The following BTN3A3 variants were observed in gnomAD, a reference collection of about 807,000 sequenced individuals.
BTN3A3 encodes the protein butyrophilin 3.
BTN3A3 carries 39 observed loss-of-function variants against 43.2 expected under a neutral mutation model. That is an observed-to-expected ratio of 0.90 (90% CI 0.70 to 1.18). BTN3A3 has a LOEUF of 1.18. BTN3A3 is among the 50% of genes most tolerant of loss of function. The pLI is 0.00. For synonymous variants in BTN3A3, 255 were observed against 272.7 expected (o/e 0.93, Z 0.64); for missense variants, 631 against 722.8 (o/e 0.87, Z 1.46).
intron 5 of BTN3A3, among the ~76,000 whole-genome samples, chr6:26,446,952 CTCCAGACCCCAATTGA>C (rs1175838188): frequency 2.6e-5 from 4 of 152,208 alleles, no homozygotes; most frequent in Non-Finnish European, 5.9e-5. Context: ...TGGTTTCAAA[CTCCAGACCCCAATTGA>C]TCCGCCTGTC....
At chr6:26,446,835 C>T (rs960813231) in intron 5 of BTN3A3, among the ~76,000 whole-genome samples, 1 of 152,044 alleles carries the variant, frequency 6.6e-6, no homozygotes, top group African/African-American at 2.4e-5. Flanking sequence ...TTCGAGAGAG[C>T]CTCCTGTCTC....
At chr6:26,450,076 CT>C in intron 9 of BTN3A3, 30 bp from the exon 10 acceptor site, 1 of 1,610,870 alleles carries the variant, frequency 6.2e-7, no homozygotes, top group Non-Finnish European at 8.5e-7. Flanking sequence ...AAATACTGAC[CT>C]TTTTCTTATC....
Position 26,452,566 on chromosome 6 carries a change from T to C in BTN3A3, c.*155T>C. The C allele has an allele frequency of 6.2e-6, 4 of 642,932 alleles. No homozygotes were observed. The South Asian group carries it at 8.3e-5, about 13-fold the overall frequency. 39.8% of individuals were successfully genotyped at this position (642,932 alleles called of 1,614,324 possible). A position where few individuals can be genotyped will look rare whatever the true frequency, so the allele number is the denominator to read the frequency against. On this transcript the variant is annotated 3_prime_UTR_variant, in exon 11 of 11. Transcript: ENST00000244519. ...AGCAGAGCTGGGATCTAAACAGCAA[T>C]AACTAACATTAACAGAGAATTTAAA...
chr6:26,447,628 G>T (rs1762814203), intron 5 of BTN3A3, among the ~76,000 whole-genome samples: 1 of 152,196 alleles, frequency 6.6e-6, no homozygotes, highest in Non-Finnish European at 1.5e-5. Flanking sequence ...CTCACAAAGT[G>T]CTGGGATTAC....
Position 26,452,221 on chromosome 6 carries a change from C to A in BTN3A3, c.1565C>A (p.Pro522His). ...CPIPKEVESSPDPDLVPDHSL... is the reference protein window; with the variant it reads ...CPIPKEVESSHDPDLVPDHSL... ...ATACCAAAAGAAGTAGAGAGTTCCC[C>A]CGATCCTGACCTAGTGCCTGATCAT... The change falls in exon 11 of 11, where the codon CCC (proline) becomes CAC (histidine). Residue 522 changes from proline (P) to histidine (H), a missense_variant. Pro to His is a moderately conservative substitution (Grantham distance 77). Coordinates refer to ENST00000244519, the MANE Select transcript of BTN3A3 (RefSeq NM_006994.5). 1 of 1,614,148 alleles carries A rather than the reference C, an allele frequency of 6.2e-7. No homozygotes were observed. Among genetic ancestry groups the A allele is most frequent in the Non-Finnish European group, 8.5e-7 (1 of 1,180,022 alleles).
At chr6:26,444,542 T>A in intron 4 of BTN3A3, 1 of 660,014 alleles carries the variant, frequency 1.5e-6, no homozygotes, top group African/African-American at 1.8e-5. Flanking sequence ...ACCAGAGATA[T>A]AAGGGAAATG....
At chr6:26,443,314 A>C in intron 1 of BTN3A3, 68 bp from the exon 2 acceptor site, 1 of 619,510 alleles carries the variant, frequency 1.6e-6, no homozygotes, top group Non-Finnish European at 2.4e-6. Context: ...AGGATTATGA[A>C]TATTTTAATA....
chr6:26,446,120 G>T, intron 5 of BTN3A3, 135 bp downstream of exon 5: 1 of 1,416,472 alleles, frequency 7.1e-7, no homozygotes, highest in Non-Finnish European at 9.5e-7. Context: ...TCAAAGCAGG[G>T]ACCTGAAGGC....
rs762508434 is a variant in BTN3A3, at chr6:26,448,777, C to T, written c.964+23C>T. ...CTCGTGAGTGACTCTGACATTTTCT[C>T]TGAATTTGAATCTTGAATCTATGAC... On this transcript the variant is annotated intron_variant, in intron 8 of 10. Transcript: ENST00000244519. 2.5e-6 allele frequency: 4 copies of T among 1,613,492 alleles called. No homozygotes were observed. In the East Asian group the frequency reaches 8.9e-5, roughly 36 times the overall value.
rs1762896533 is a variant in BTN3A3 at position 26,450,349 on chromosome 6, C to T, written c.1018+216C>T. The T allele has an allele frequency of 5.3e-6, 3 of 564,076 alleles. No homozygotes were observed. The East Asian group carries it at 9.4e-5, about 18-fold the overall frequency. 34.9% of individuals were successfully genotyped at this position (564,076 alleles called of 1,614,324 possible). On this transcript the variant is annotated intron_variant, in intron 10 of 10. Coordinates refer to ENST00000244519, the MANE Select transcript of BTN3A3 (RefSeq NM_006994.5). ...AGGGAGAATTGCTCTCTTGGGCTTC[C>T]TCAGACCTTCCTGGGAAGGAAGACA...
At chr6:26,442,372 A>C (rs1762658961) in intron 1 of BTN3A3, among the ~76,000 whole-genome samples, 1 of 152,242 alleles carries the variant, frequency 6.6e-6, no homozygotes, top group Non-Finnish European at 1.5e-5. Context: ...CAAAAGGCCA[A>C]CGTGTTCTTT....
At position 26,451,763 on chromosome 6, in the gene BTN3A3, G is replaced by T. The variant is rs1244731589; in HGVS notation, c.1107G>T (p.Arg369=). 11 of 1,614,064 alleles carry T rather than the reference G, an allele frequency of 6.8e-6. No homozygotes were observed. The highest frequency in any genetic ancestry group is 8.5e-6 in the Non-Finnish European group (10 of 1,179,918). The change falls in exon 11 of 11, where the codon CGG becomes CGT. Residue 369 remains arginine, a synonymous_variant. Transcript: ENST00000244519. ...GTGTGCAGCGTGCTGAAGAGCCGCG[G>T]GATCTGCCAGACAACCCTGAGAGAT... is the stretch of plus-strand genomic sequence containing the variant. ...QRSVQRAEEP[R]DLPDNPERFE...
Position 26,445,803 on chromosome 6 carries a change from A to G in BTN3A3, c.533A>G (p.Lys178Arg), listed in dbSNP as rs1351749540. Residue 178 changes from lysine (K) to arginine (R), a missense_variant, in exon 5 of 11, where the codon AAG becomes AGG. Physicochemically the swap from Lys to Arg is conservative, Grantham distance 26. Coordinates refer to ENST00000244519, the MANE Select transcript of BTN3A3 (RefSeq NM_006994.5). ...GGCTGGTACCCCCAACCCCAAATAA[A>G]GTGGAGCGACACCAAGGGAGAGAAC... Reference protein sequence around the residue: ...STGWYPQPQIKWSDTKGENIP... With the variant: ...STGWYPQPQIRWSDTKGENIP... 6.2e-7 allele frequency: 1 copy of G among 1,614,186 alleles called. No homozygotes were observed.
chr6:26,452,588 T>A lies in BTN3A3; in HGVS notation c.*177T>A. ...CAATAACTAACATTAACAGAGAATTTAAAATGTTCTTAGTGCTGTGTTATA... is the reference window on the plus strand; with the variant it reads ...CAATAACTAACATTAACAGAGAATTAAAAATGTTCTTAGTGCTGTGTTATA... On this transcript the variant is annotated 3_prime_UTR_variant, in exon 11 of 11. Coordinates refer to ENST00000244519, the MANE Select transcript of BTN3A3 (RefSeq NM_006994.5). The A allele has an allele frequency of 1.6e-6, 1 of 615,370 alleles. No individual in the cohort carries two copies. The highest frequency in any genetic ancestry group is 2.8e-6 in the Non-Finnish European group (1 of 359,276). 38.1% of individuals were successfully genotyped at this position (615,370 alleles called of 1,614,324 possible).
Position 26,445,790 on chromosome 6 carries a change from C to A in BTN3A3, c.520C>A (p.Gln174Lys), listed in dbSNP as rs1338987242. The A allele has an allele frequency of 1.9e-6, 3 of 1,614,082 alleles. No homozygotes were observed. The African/African-American group carries it at 4.0e-5, about 22-fold the overall frequency. Residue 174 changes from glutamine (Q) to lysine (K), a missense_variant, in exon 5 of 11, where the codon CAA becomes AAA. This residue lies in a region of BTN3A3 where 551 missense variants were observed against 584.0 expected (regional missense o/e 0.94). Transcript: ENST00000244519. ...GTGCAGGTCCACTGGCTGGTACCCCCAACCCCAAATAAAGTGGAGCGACAC... is the reference window on the plus strand; with the variant it reads ...GTGCAGGTCCACTGGCTGGTACCCCAAACCCCAAATAAAGTGGAGCGACAC... ...LECRSTGWYP[Q>K]PQIKWSDTKG...
intron 8 of BTN3A3, chr6:26,449,193 G>A (rs1762863268): frequency 4.7e-6 from 1 of 210,890 alleles, no homozygotes; most frequent in Non-Finnish European, 9.4e-6. Flanking sequence ...AGACAAGTGT[G>A]TCTAATAAAG....
chr6:26,452,117 G>A lies in BTN3A3; in HGVS notation c.1461G>A (p.Pro487=), dbSNP rs774875636. The A allele has an allele frequency of 6.2e-6, 10 of 1,613,904 alleles. No homozygotes were observed. Among genetic ancestry groups the A allele is most frequent in the Admixed American group, 3.3e-5 (2 of 59,974 alleles). ...ATDGSHIYTF[P]HASFSEPLYP... is the part of the protein sequence containing the mutation. ...ATGGATCTCATATCTACACCTTTCC[G>A]CACGCCTCTTTCTCTGAGCCTCTAT... Residue 487 remains proline, a synonymous_variant, in exon 11 of 11, where the codon CCG becomes CCA. Coordinates refer to ENST00000244519, the MANE Select transcript of BTN3A3 (RefSeq NM_006994.5).
rs751432157 is a variant in BTN3A3, at chr6:26,443,640, G to T, written c.66G>T (p.Gln22His). 2 of 1,614,198 alleles carry T rather than the reference G, an allele frequency of 1.2e-6. No homozygotes were observed. The highest frequency in any genetic ancestry group is 2.2e-5 in the South Asian group (2 of 91,080). The stretch of plus-strand genomic sequence containing the variant: ...TTCATGTCTCCCTCTTCTTGGTCCA[G>T]CTGCTCACTCCTTGCTCAGGTAGGG... ...LNFHVSLFLV[Q>H]LLTPCSAQFS... Residue 22 changes from glutamine to histidine, a missense_variant, in exon 3 of 11, where the codon CAG (glutamine) becomes CAT (histidine). Coordinates refer to ENST00000244519, the MANE Select transcript of BTN3A3 (RefSeq NM_006994.5).
At chr6:26,451,115 C>T (rs929110751) in intron 10 of BTN3A3, among the ~76,000 whole-genome samples, 4 of 152,166 alleles carry the variant, frequency 2.6e-5, no homozygotes, top group South Asian at 2.1e-4. Context: ...AGCATAGAGA[C>T]GGCCTTGCAG....
Sources: allele counts gnomAD v4.1 joint callset (sites outside exome capture counted in the v4.1 genomes callset), GRCh38; gene constraint gnomAD v4.1.1; regional missense constraint gnomAD v4.1.1; transcripts MANE v1.5; gene names NCBI Gene and HGNC (gene_info 2026-07-23, HGNC 2026-07-21).